The following MTUS2 variants were observed in gnomAD, a reference collection of about 807,000 sequenced individuals.
The protein encoded by MTUS2 is microtubule-associated tumor suppressor candidate 2.
Under a neutral mutation model 114.1 loss-of-function variants are expected in MTUS2, and 40 were observed. That is an observed-to-expected ratio of 0.35 (90% CI 0.27 to 0.46). MTUS2 has a LOEUF of 0.46. Among genes scored for constraint, MTUS2 ranks in the 20% least tolerant of loss-of-function variants. The pLI is 1.00. For synonymous variants in MTUS2, 688 were observed against 672.0 expected (o/e 1.02, Z -0.37); for missense variants, 1,679 against 1,705.4 (o/e 0.98, Z 0.27).
intron 5 of MTUS2, among the ~76,000 whole-genome samples, chr13:29,193,045 A>G (rs192614024): frequency 6.6e-6 from 1 of 152,362 alleles, no homozygotes; most frequent in East Asian, 1.9e-4. Flanking sequence ...CTGAGTCAAT[A>G]TCATACATTT....
chr13:29,245,927 G>C (rs530887136), intron 5 of MTUS2, among the ~76,000 whole-genome samples: 18 of 152,194 alleles, frequency 1.2e-4, no homozygotes, highest in African/African-American at 3.6e-4. Context: ...TTGATCTCCT[G>C]AGCTCGTGAT....
intron 9 of MTUS2, among the ~76,000 whole-genome samples, chr13:29,468,424 C>T (rs879659508): frequency 1.3e-5 from 2 of 152,070 alleles, no homozygotes; most frequent in Non-Finnish European, 2.9e-5. Flanking sequence ...ACTAAAAATA[C>T]AAAAAGTAGC....
intron 2 of MTUS2, among the ~76,000 whole-genome samples, chr13:28,919,284 TTGTC>T (rs1253279853): frequency 6.6e-6 from 1 of 152,160 alleles, no homozygotes; most frequent in African/African-American, 2.4e-5. Flanking sequence ...TAGCTTTTGT[TTGTC>T]TGGGAAGGTC....
intron 5 of MTUS2, among the ~76,000 whole-genome samples, chr13:29,222,257 G>C (rs370382457): frequency 6.3e-4 from 96 of 151,672 alleles, no homozygotes; most frequent in African/African-American, 2.1e-3. Context: ...TTCTATTGTA[G>C]TCTGTCTGTT....
chr13:28,960,687 C>A (rs554915884), intron 2 of MTUS2, among the ~76,000 whole-genome samples: 1 of 152,160 alleles, frequency 6.6e-6, no homozygotes, highest in South Asian at 2.1e-4. Context: ...TTAGTGGTTT[C>A]CAGGGACTGG....
rs376447324 is a variant in MTUS2 at position 29,234,595 on chromosome 13, T to C, written c.2645-47109T>C. Among the ~76,000 whole-genome samples, 36 of 152,340 alleles carry C rather than the reference T, an allele frequency of 2.4e-4. 1 individual carries two copies. Among genetic ancestry groups the C allele is most frequent in the African/African-American group, 8.7e-4 (36 of 41,578 alleles). On this transcript the variant is annotated intron_variant, in intron 5 of 15. Coordinates refer to ENST00000612955, the MANE Select transcript of MTUS2 (RefSeq NM_001033602.4). ...GATTTGTAGCCAAATGGCTAACCAA[T>C]TGTACAAACACTTAGAAAAAAACTC...
intron 8 of MTUS2, among the ~76,000 whole-genome samples, chr13:29,363,332 AT>A (rs1489462887): frequency 6.6e-6 from 1 of 152,116 alleles, no homozygotes; most frequent in African/African-American, 2.4e-5. Context: ...TTTCATATCT[AT>A]TCTTGTCTTC....
At chr13:29,475,302 G>A (rs1383713908) in intron 9 of MTUS2, among the ~76,000 whole-genome samples, 1 of 152,168 alleles carries the variant, frequency 6.6e-6, no homozygotes, top group Non-Finnish European at 1.5e-5. Flanking sequence ...TAAAAGTCTA[G>A]CACATATAAT....
chr13:29,452,125 T>C (rs1437410444), intron 9 of MTUS2, among the ~76,000 whole-genome samples: 1 of 152,196 alleles, frequency 6.6e-6, no homozygotes, highest in African/African-American at 2.4e-5. Flanking sequence ...AACAGGTGCT[T>C]ACCCATGCAT....
intron 2 of MTUS2, among the ~76,000 whole-genome samples, chr13:28,915,254 C>T (rs1031117240): frequency 6.6e-6 from 1 of 151,940 alleles, no homozygotes; most frequent in Non-Finnish European, 1.5e-5. Flanking sequence ...CTGCAAGAAA[C>T]ATAGGAGTGC....
intron 6 of MTUS2, among the ~76,000 whole-genome samples, chr13:29,301,800 A>G (rs1481457303): frequency 1.3e-5 from 2 of 152,242 alleles, no homozygotes; most frequent in Admixed American, 1.3e-4. Context: ...TGGGTGGCTT[A>G]TAAACAATAA....
intron 5 of MTUS2, among the ~76,000 whole-genome samples, chr13:29,270,096 C>G (rs145249505): frequency 6.6e-6 from 1 of 152,228 alleles, no homozygotes; most frequent in Non-Finnish European, 1.5e-5. Context: ...TATAAAGTTT[C>G]ATGTATGCAG....
At chr13:29,456,914 A>G (rs113128273) in intron 9 of MTUS2, among the ~76,000 whole-genome samples, 11,336 of 151,986 alleles carry the variant, frequency 0.075, 475 homozygotes, top group African/African-American at 0.1. Context: ...GAGGCGGGCG[A>G]ATCACGAGGT....
chr13:29,111,381 T>C (rs1269863481), intron 5 of MTUS2, among the ~76,000 whole-genome samples: 1 of 152,224 alleles, frequency 6.6e-6, no homozygotes, highest in Admixed American at 6.5e-5. Flanking sequence ...TTGGGAGTTA[T>C]TTTCTTGCTC....
rs184345410 is a variant in MTUS2, at chr13:29,345,489, G to A, written c.2906-13773G>A. On this transcript the variant is annotated intron_variant, in intron 7 of 15. Coordinates refer to ENST00000612955, the MANE Select transcript of MTUS2 (RefSeq NM_001033602.4). ...GTGTATTTTGCATTTCTCTAAGTGT[G>A]TCCTTCATTTTCAGAAGTTGTGATT... is the stretch of plus-strand genomic sequence containing the variant. 4.1e-4 allele frequency among the ~76,000 whole-genome samples: 62 copies of A among 151,732 alleles called. 1 individual carries two copies. The highest frequency in any genetic ancestry group is 1.4e-3 in the African/African-American group (60 of 41,398).
chr13:29,167,420 TTC>T (rs1893363771), intron 5 of MTUS2, among the ~76,000 whole-genome samples: 4 of 12,874 alleles, frequency 3.1e-4, no homozygotes, highest in Middle Eastern at 0.036. Context: ...ACTTTTTTCT[TTC>T]TTTTTTTTTT....
rs115457987 is a variant in MTUS2 at position 29,466,513 on chromosome 13, T to A, written c.3185-13637T>A. ...ATGCCTTTCCTGTTTAAAGTTAGGT[T>A]CTGTAGATTTAAAACATAAATCCAT... On this transcript the variant is annotated intron_variant, in intron 9 of 15. Coordinates refer to ENST00000612955, the MANE Select transcript of MTUS2 (RefSeq NM_001033602.4). 1.7e-3 allele frequency among the ~76,000 whole-genome samples: 257 copies of A among 152,296 alleles called. 2 individuals are homozygous for A. Among genetic ancestry groups the A allele is most frequent in the African/African-American group, 5.9e-3 (246 of 41,556 alleles).
chr13:29,188,028 C>T (rs1168867683), intron 5 of MTUS2, among the ~76,000 whole-genome samples: 1 of 152,180 alleles, frequency 6.6e-6, no homozygotes, highest in Admixed American at 6.5e-5. Context: ...GACTGTCCAT[C>T]ACCTGGAGAA....
chr13:29,249,132 C>T (rs902936595), intron 5 of MTUS2, among the ~76,000 whole-genome samples: 1 of 152,090 alleles, frequency 6.6e-6, no homozygotes, highest in Non-Finnish European at 1.5e-5. Context: ...GGACTACAGG[C>T]GTGCACCACT....
Sources: allele counts gnomAD v4.1 joint callset (sites outside exome capture counted in the v4.1 genomes callset), GRCh38; gene constraint gnomAD v4.1.1; transcripts MANE v1.5; gene names NCBI Gene and HGNC (gene_info 2026-07-23, HGNC 2026-07-21).